The following PLSCR4 variants were observed in gnomAD, a reference collection of about 807,000 sequenced individuals.
PLSCR4 encodes phospholipid scramblase 4.
Under a neutral mutation model 36.3 loss-of-function variants are expected in PLSCR4, and 25 were observed. That is an observed-to-expected ratio of 0.69 (90% CI 0.50 to 0.96). PLSCR4 has a LOEUF of 0.96. Among genes scored for constraint, PLSCR4 ranks in the 40% least tolerant of loss-of-function variants. The probability of loss-of-function intolerance (pLI) is 0.00; values close to 1 mark genes in which losing one functional copy is unlikely to be tolerated. For synonymous variants in PLSCR4, 122 were observed against 132.9 expected, an observed-to-expected ratio of 0.92 and a Z score of 0.56; for missense variants, 408 against 414.7, an observed-to-expected ratio of 0.98 and a Z score of 0.14.
intron 1 of PLSCR4, among the ~76,000 whole-genome samples, chr3:146,245,320 C>T (rs1252699790): frequency 2.6e-5 from 4 of 152,020 alleles, no homozygotes; most frequent in Non-Finnish European, 5.9e-5. Context: ...AATCATAATA[C>T]ATTCAATCAA....
At chr3:146,201,874 T>C (rs1452959620) in intron 4 of PLSCR4, among the ~76,000 whole-genome samples, 2 of 152,050 alleles carry the variant, frequency 1.3e-5, no homozygotes, top group African/African-American at 4.8e-5. Context: ...GAAACCTTCT[T>C]GAGGACACAC....
At chr3:146,224,483 G>C (rs964532375) in intron 1 of PLSCR4, among the ~76,000 whole-genome samples, 2 of 148,956 alleles carry the variant, frequency 1.3e-5, no homozygotes, top group African/African-American at 5.2e-5. Context: ...TCTGGAGTTT[G>C]TTCCTTCTTA....
chr3:146,230,463 T>G (rs2035663139), intron 1 of PLSCR4, among the ~76,000 whole-genome samples: 1 of 152,184 alleles, frequency 6.6e-6, no homozygotes, highest in African/African-American at 2.4e-5. Context: ...TGTGAACTGA[T>G]CACATTCCTC....
At chr3:146,216,870 G>T (rs1658781527) in intron 3 of PLSCR4, among the ~76,000 whole-genome samples, 1 of 152,088 alleles carries the variant, frequency 6.6e-6, no homozygotes, top group South Asian at 2.1e-4. Flanking sequence ...GCAGTGGTCT[G>T]GGGTCAACCA....
chr3:146,199,665 G>A, intron 6 of PLSCR4, 148 bp downstream of exon 6: 1 of 656,322 alleles, frequency 1.5e-6, no homozygotes, highest in Non-Finnish European at 2.6e-6. Flanking sequence ...CCTTAGGCGA[G>A]ACAATTTGGT....
chr3:146,198,276 C>T (rs2033858513), intron 6 of PLSCR4, among the ~76,000 whole-genome samples: 1 of 152,024 alleles, frequency 6.6e-6, no homozygotes, highest in Non-Finnish European at 1.5e-5. Flanking sequence ...GGAATCTACA[C>T]AAATGATAAA....
chr3:146,239,922 A>C (rs1315060612), intron 1 of PLSCR4, among the ~76,000 whole-genome samples: 1 of 152,160 alleles, frequency 6.6e-6, no homozygotes, highest in Non-Finnish European at 1.5e-5. Flanking sequence ...CAAAAGATAA[A>C]GCTAATAAAT....
At chr3:146,226,763 A>G (rs1404295775) in intron 1 of PLSCR4, among the ~76,000 whole-genome samples, 2 of 152,252 alleles carry the variant, frequency 1.3e-5, no homozygotes, top group East Asian at 3.8e-4. Context: ...GGCATTATTA[A>G]GCATTCAAAT....
chr3:146,238,784 C>G (rs970538788), intron 1 of PLSCR4, among the ~76,000 whole-genome samples: 2 of 151,970 alleles, frequency 1.3e-5, no homozygotes, highest in African/African-American at 4.8e-5. Flanking sequence ...ACTGGATGTT[C>G]TACCCAGAGT....
chr3:146,213,793 C>A (rs34839095), intron 3 of PLSCR4, among the ~76,000 whole-genome samples: 7,199 of 152,142 alleles, frequency 0.047, 199 homozygotes, highest in South Asian at 0.073. Context: ...TCTAGGTTTC[C>A]TATTAGCATA....
Position 146,220,995 on chromosome 3 carries a change from C to A in PLSCR4, c.8-70G>T. 4.4e-6 allele frequency: 4 copies of A among 906,592 alleles called. No individual in the cohort carries two copies. The African/African-American group carries it at 6.8e-5, about 15-fold the overall frequency. The allele number at this position is 906,592 out of a possible 1,614,324, so 56.2% of individuals were successfully genotyped here. ...TATAATGACAAAATGTATTCTTTTT[C>A]CTTTCTTATGGGAATGCATCAAGAA... On this transcript the variant is annotated intron_variant, in intron 2 of 8. Transcript: ENST00000354952.
At chr3:146,203,530 T>G (rs1339741698) in intron 4 of PLSCR4, among the ~76,000 whole-genome samples, 1 of 152,064 alleles carries the variant, frequency 6.6e-6, no homozygotes, top group African/African-American at 2.4e-5. Flanking sequence ...CCTTCATCAA[T>G]GATCTTGTTA....
Position 146,251,071 on chromosome 3 carries a change from TC to T in PLSCR4, c.-134del, listed in dbSNP as rs1390077124. 1 of 152,584 alleles carries T rather than the reference TC, an allele frequency of 6.6e-6. No individual in the cohort carries two copies. The highest frequency in any genetic ancestry group is 1.5e-5 in the Non-Finnish European group (1 of 68,448). 9.5% of individuals were successfully genotyped at this position (152,584 alleles called of 1,614,324 possible). ...AGGGAAGGGAGACGGAGAGGATTTT[TC>T]AAGTTATAAACAAAGTAAGCGCGCG... is the stretch of plus-strand genomic sequence containing the variant. On this transcript the variant is annotated 5_prime_UTR_variant, in exon 1 of 9. Transcript: ENST00000354952.
Position 146,194,218 on chromosome 3 carries a change from G to A in PLSCR4, c.*193C>T. The A allele has an allele frequency of 1.8e-6, 1 of 570,034 alleles. No individual in the cohort carries two copies. Among genetic ancestry groups the A allele is most frequent in the Non-Finnish European group, 3.1e-6 (1 of 320,748 alleles). The allele number at this position is 570,034 out of a possible 1,614,324, so 35.3% of individuals were successfully genotyped here. ...CAGGATGAACTCCTATTCTACTAGA[G>A]AGATACTCAATTGAAACACACTTTT... On this transcript the variant is annotated 3_prime_UTR_variant, in exon 9 of 9. Transcript: ENST00000354952.
chr3:146,207,258 T>C (rs906609978), intron 3 of PLSCR4, among the ~76,000 whole-genome samples: 1 of 152,164 alleles, frequency 6.6e-6, no homozygotes, highest in African/African-American at 2.4e-5. Context: ...TATTTTAGGT[T>C]GCCTTGACCC....
chr3:146,232,165 A>C lies in PLSCR4; in HGVS notation c.-21-10073T>G, dbSNP rs2035738128. Among the ~76,000 whole-genome samples, 4 of 152,118 alleles carry C rather than the reference A, an allele frequency of 2.6e-5. 1 individual carries two copies. In the South Asian group the frequency reaches 8.3e-4, roughly 31 times the overall value. ...ACTTTGTTAAAAATCAGATGGTTGT[A>C]AGTGTGCAGCTTTATTTCTATTCTG... On this transcript the variant is annotated intron_variant, in intron 1 of 8. Coordinates refer to ENST00000354952, the MANE Select transcript of PLSCR4 (RefSeq NM_020353.3).
At chr3:146,237,084 G>A (rs932113873) in intron 1 of PLSCR4, among the ~76,000 whole-genome samples, 2 of 152,066 alleles carry the variant, frequency 1.3e-5, no homozygotes, top group South Asian at 2.1e-4. Flanking sequence ...CCAACTATAC[G>A]TCATATACAA....
At chr3:146,227,863 C>T (rs1024484997) in intron 1 of PLSCR4, among the ~76,000 whole-genome samples, 4 of 152,216 alleles carry the variant, frequency 2.6e-5, no homozygotes, top group Non-Finnish European at 4.4e-5. Flanking sequence ...CACCAGCTAC[C>T]ATGATATCCC....
chr3:146,204,980 T>TA (rs1306279606), intron 4 of PLSCR4, among the ~76,000 whole-genome samples: 2 of 152,072 alleles, frequency 1.3e-5, no homozygotes, highest in East Asian at 3.9e-4. Flanking sequence ...CCAACTGTAT[T>TA]GACTTCTATA....
Sources: gnomAD v4.1 joint callset for allele counts (sites outside exome capture counted in the v4.1 genomes callset) on GRCh38, gnomAD v4.1.1 for gene constraint, MANE v1.5 for transcripts, NCBI Gene and HGNC (gene_info 2026-07-23, HGNC 2026-07-21) for gene names.